JAG2: variants seen among roughly 807,000 people sequenced by gnomAD.
The protein encoded by JAG2 is jagged canonical Notch ligand 2.
Under a neutral mutation model 141.7 loss-of-function variants are expected in JAG2, and 46 were observed. The observed-to-expected ratio is 0.32, with a 90% CI of 0.26 to 0.42. The LOEUF (loss-of-function observed/expected upper bound fraction) is 0.42. JAG2 is among the 10% of genes least tolerant of loss of function. The pLI, the probability that JAG2 is intolerant of heterozygous loss-of-function variation, is 1.00. For synonymous variants in JAG2, 862 were observed against 763.5 expected (o/e 1.13, Z -2.13); for missense variants, 1,500 against 1,817.5 (o/e 0.83, Z 3.18).
Position 105,168,458 on chromosome 14 carries a change from G to T in JAG2, c.-38C>A, listed in dbSNP as rs1888993979. 1.7e-6 allele frequency: 1 copy of T among 578,202 alleles called. No individual in the cohort carries two copies. Among genetic ancestry groups the T allele is most frequent in the Non-Finnish European group, 2.2e-6 (1 of 460,972 alleles). 35.8% of individuals were successfully genotyped at this position (578,202 alleles called of 1,614,324 possible). A position where few individuals can be genotyped will look rare whatever the true frequency, so the allele number is the denominator to read the frequency against. ...CCGCCCGCCCGGCCCCGCCGCCGCC[G>T]CCCGCGCCCGGCTCCCAGCCGCCGC... is the stretch of plus-strand genomic sequence containing the variant. On this transcript the variant is annotated 5_prime_UTR_variant, in exon 1 of 26. Coordinates refer to ENST00000331782, the MANE Select transcript of JAG2 (RefSeq NM_002226.5).
At position 105,149,179 on chromosome 14, in the gene JAG2, C is replaced by T. The variant is rs748542274; in HGVS notation, c.1744G>A (p.Ala582Thr). The change falls in exon 13 of 26, where the codon GCC (alanine) becomes ACC (threonine). Residue 582 changes from alanine (A) to threonine (T), a missense_variant. Physicochemically the swap from Ala to Thr is moderately conservative, Grantham distance 58 (BLOSUM62 0). This residue lies in a region of JAG2 where 875 missense variants were observed against 1,202.2 expected (regional missense o/e 0.73). Coordinates refer to ENST00000331782, the MANE Select transcript of JAG2 (RefSeq NM_002226.5). ...SVPREPCPGG[A>T]CRVIDGCGSD... ...ATGCCGCACCCAGCACCTCTGCAGG[C>T]CCCGCCAGGGCACGGCTCGCGGGGC... 6.3e-7 allele frequency: 1 copy of T among 1,583,320 alleles called. No individual in the cohort carries two copies. Among genetic ancestry groups the T allele is most frequent in the African/African-American group, 1.4e-5 (1 of 72,264 alleles).
In JAG2 at chr14:105,151,569, C is replaced by A. The variant is rs1450497043; in HGVS notation, c.1153+57G>T. The stretch of plus-strand genomic sequence containing the variant: ...ACCCCATCCCCAGCGAGTTGCCCCA[C>A]TCCCAGACCCCCACTGATACTAGGC... On this transcript the variant is annotated intron_variant, in intron 8 of 25. Transcript: ENST00000331782. 2.2e-5 allele frequency: 32 copies of A among 1,462,150 alleles called. No individual in the cohort carries two copies. In the East Asian group the frequency reaches 7.7e-4, roughly 35 times the overall value. 90.6% of individuals were successfully genotyped at this position (1,462,150 alleles called of 1,614,324 possible). A position where few individuals can be genotyped will look rare whatever the true frequency, so the allele number is the denominator to read the frequency against.
intron 5 of JAG2, among the ~76,000 whole-genome samples, chr14:105,153,882 T>C (rs1278220543): frequency 6.6e-6 from 1 of 152,206 alleles, no homozygotes; most frequent in Admixed American, 6.5e-5. Context: ...TGATGCACAC[T>C]GGGCCAGGCG....
At position 105,149,107 on chromosome 14, in the gene JAG2, G is replaced by A. The variant is rs771284846; in HGVS notation, c.1754-18C>T. On this transcript the variant is annotated intron_variant, in intron 13 of 25. Transcript: ENST00000331782. Reference sequence around the variant, plus strand: ...ATCGATCACTATGGCAGGCAGTACAGTCAGGAGTCAGGCCCGCCCCTGCCC... The same window carrying A: ...ATCGATCACTATGGCAGGCAGTACAATCAGGAGTCAGGCCCGCCCCTGCCC... The A allele has an allele frequency of 8.1e-6, 13 of 1,602,868 alleles. No homozygotes were observed. The East Asian group carries it at 2.5e-4, about 31-fold the overall frequency.
Position 105,148,752 on chromosome 14 carries a change from G to A in JAG2, c.2013C>T (p.Cys671=), listed in dbSNP as rs370664484. The A allele has an allele frequency of 1.3e-5, 20 of 1,567,984 alleles. No individual in the cohort carries two copies. Among genetic ancestry groups the A allele is most frequent in the Middle Eastern group, 1.9e-4 (1 of 5,170 alleles). ...GGGTGCTGGAACACTCACTGGTGTC[G>A]CAGAGCTCGCCCTCCCAGCCGCTGG... The part of the protein sequence containing the change: ...FCPSGWEGEL[C]DTNPNDCLPD... The change falls in exon 15 of 26, where the codon TGC becomes TGT. Residue 671 remains cysteine (C), a synonymous_variant. Transcript: ENST00000331782.
chr14:105,167,567 C>T lies in JAG2; in HGVS notation c.417+190G>A, dbSNP rs1043040256. On this transcript the variant is annotated intron_variant, in intron 2 of 25. Coordinates refer to ENST00000331782, the MANE Select transcript of JAG2 (RefSeq NM_002226.5). The surrounding 1 kb of genome is among the most constrained non-coding windows in gnomAD (Gnocchi z 4.8). Reference sequence around the variant, plus strand: ...ACCCCGCTCCCGGTGGCCCCGGGGCCCCGGCGCGCCCACGTGGCCAGGCGC... The same window carrying T: ...ACCCCGCTCCCGGTGGCCCCGGGGCTCCGGCGCGCCCACGTGGCCAGGCGC... 2.5e-4 allele frequency among the ~76,000 whole-genome samples: 37 copies of T among 147,358 alleles called. No homozygotes were observed. The highest frequency in any genetic ancestry group is 9.0e-4 in the African/African-American group (37 of 40,916).
intron 12 of JAG2, among the ~76,000 whole-genome samples, chr14:105,149,794 G>A (rs1181754489): frequency 2.1e-5 from 3 of 141,396 alleles, no homozygotes; most frequent in Non-Finnish European, 3.1e-5. Flanking sequence ...GCGGCCGAGG[G>A]TGGTAGGGAG....
chr14:105,145,005 A>T lies in JAG2; in HGVS notation c.3009T>A (p.Ala1003=). 3 of 1,610,102 alleles carry T rather than the reference A, an allele frequency of 1.9e-6. No homozygotes were observed. The highest frequency in any genetic ancestry group is 2.5e-6 in the Non-Finnish European group (3 of 1,179,784). ...ACACCAGCAGGCGGTCCCGTGCCACAGCCCTTGTGGCTGGCAGGGAGCGGA... is the reference window on the plus strand; with the variant it reads ...ACACCAGCAGGCGGTCCCGTGCCACTGCCCTTGTGGCTGGCAGGGAGCGGA... ...SGIRSLPATR[A]VARDRLLVLL... is the part of the protein sequence containing the mutation. The change falls in exon 24 of 26, where the codon GCT becomes GCA. Residue 1003 remains alanine, a synonymous_variant. Transcript: ENST00000331782.
intron 17 of JAG2, 40 bp from the exon 18 acceptor site, chr14:105,147,928 C>G: frequency 6.8e-7 from 1 of 1,478,290 alleles, no homozygotes; most frequent in Non-Finnish European, 9.2e-7. Flanking sequence ...TCACCTGGCC[C>G]TGGGCTGGCC....
chr14:105,149,191 A>G lies in JAG2; in HGVS notation c.1732T>C (p.Cys578Arg), dbSNP rs1888332230. ...GCACCTCTGCAGGCCCCGCCAGGGCACGGCTCGCGGGGCACGGAGCAGTTC... is the reference window on the plus strand; with the variant it reads ...GCACCTCTGCAGGCCCCGCCAGGGCGCGGCTCGCGGGGCACGGAGCAGTTC... ...GKNCSVPREP[C>R]PGGACRVIDG... Residue 578 changes from cysteine (C) to arginine (R), a missense_variant, in exon 13 of 26, where the codon TGC becomes CGC. Transcript: ENST00000331782. The G allele has an allele frequency of 6.9e-7, 1 of 1,440,800 alleles. No individual in the cohort carries two copies. Among genetic ancestry groups the G allele is most frequent in the African/African-American group, 1.5e-5 (1 of 66,626 alleles). 89.3% of individuals were successfully genotyped at this position (1,440,800 alleles called of 1,614,324 possible).
rs766540205 is a variant in JAG2, at chr14:105,149,282, G to A, written c.1641C>T (p.Asn547=). The change falls in exon 13 of 26, where the codon AAC becomes AAT. Residue 547 remains asparagine, a synonymous_variant. Coordinates refer to ENST00000331782, the MANE Select transcript of JAG2 (RefSeq NM_002226.5). The stretch of plus-strand genomic sequence containing the variant: ...CCTCCAGGTTATAGCAGCGAGCGCC[G>A]TTCCGGCAGGGGCTTGGCTCACAAA... ...VDLCEPSPCR[N]GARCYNLEGD... The A allele has an allele frequency of 1.9e-5, 31 of 1,612,616 alleles. No homozygotes were observed. The highest frequency in any genetic ancestry group is 5.0e-5 in the Admixed American group (3 of 60,012).
Position 105,142,945 on chromosome 14 carries a change from G to A in JAG2, c.3467C>T (p.Pro1156Leu), listed in dbSNP as rs143438617. 5.0e-4 allele frequency: 804 copies of A among 1,609,184 alleles called. 1 individual carries two copies. The highest frequency in any genetic ancestry group is 6.3e-4 in the Non-Finnish European group (739 of 1,178,020). Residue 1156 changes from proline to leucine, a missense_variant, in exon 26 of 26, where the codon CCG becomes CTG. Physicochemically the swap from Pro to Leu is moderately conservative, Grantham distance 98 (BLOSUM62 -3). This residue lies in a region of JAG2 where 425 missense variants were observed against 441.0 expected (regional missense o/e 0.96). Transcript: ENST00000331782. ...CGCCTCGTCCGCCCTGCGCGGCGGC[G>A]GCGTGAAGTTCTTGCACTGGTAGAG... ...DVLYQCKNFT[P>L]PPRRADEALP...
At chr14:105,148,542 G>A in intron 15 of JAG2, 103 bp from the exon 16 acceptor site, 1 of 905,428 alleles carries the variant, frequency 1.1e-6, no homozygotes, top group Non-Finnish European at 1.7e-6. Flanking sequence ...GGACAGAGAG[G>A]GGCGGGGGAG....
intron 2 of JAG2, 96 bp from the exon 3 acceptor site, chr14:105,157,859 G>T: frequency 8.6e-7 from 1 of 1,158,540 alleles, no homozygotes; most frequent in Non-Finnish European, 1.2e-6. Context: ...CTGCCCCTGG[G>T]TCTGCCAGGC....
rs587632736 is a variant in JAG2, at chr14:105,147,797, G to T, written c.2340C>A (p.Gly780=). 2 of 1,548,852 alleles carry T rather than the reference G, an allele frequency of 1.3e-6. No individual in the cohort carries two copies. Among genetic ancestry groups the T allele is most frequent in the South Asian group, 2.4e-5 (2 of 84,000 alleles). ...TGTGAGTGCAAGTACGACCCTCCCA[G>T]CCGTCCCGGCAGATGCAGGAGAAGG... is the stretch of plus-strand genomic sequence containing the variant. ...GASFSCICRD[G]WEGRTCTHNT... Residue 780 remains glycine (G), a synonymous_variant, in exon 18 of 26, where the codon GGC becomes GGA. Coordinates refer to ENST00000331782, the MANE Select transcript of JAG2 (RefSeq NM_002226.5).
In JAG2 at chr14:105,149,035, G is replaced by C; in HGVS notation, c.1808C>G (p.Ser603Cys). ...GCGTCCATGGGGGCCACACACGCCG[G>C]AGGCTGCTGTGCCAGGCATCCCAGG... The part of the protein sequence containing the change: ...AGPGMPGTAA[S>C]GVCGPHGRCV... Residue 603 changes from serine to cysteine, a missense_variant, in exon 14 of 26, where the codon TCC becomes TGC. Coordinates refer to ENST00000331782, the MANE Select transcript of JAG2 (RefSeq NM_002226.5). The C allele has an allele frequency of 1.2e-6, 2 of 1,607,698 alleles. No individual in the cohort carries two copies. Among genetic ancestry groups the C allele is most frequent in the Non-Finnish European group, 1.7e-6 (2 of 1,177,936 alleles).
chr14:105,149,067 G>C lies in JAG2; in HGVS notation c.1776C>G (p.Asp592Glu), dbSNP rs200911938. 81 of 1,609,654 alleles carry C rather than the reference G, an allele frequency of 5.0e-5. No homozygotes were observed. The highest frequency in any genetic ancestry group is 6.8e-5 in the Non-Finnish European group (80 of 1,178,950). ...ACRVIDGCGSDAGPGMPGTAA... is the reference protein window; with the variant it reads ...ACRVIDGCGSEAGPGMPGTAA... ...CTGTGCCAGGCATCCCAGGCCCCGC[G>C]TCTGACCCGCAGCCATCGATCACTA... The change falls in exon 14 of 26, where the codon GAC (aspartate) becomes GAG (glutamate). Residue 592 changes from aspartate (D) to glutamate (E), a missense_variant. Around this residue, in one of 3 missense-constraint regions of JAG2, gnomAD observed 875 missense variants for 1,202.2 expected, o/e 0.73. Coordinates refer to ENST00000331782, the MANE Select transcript of JAG2 (RefSeq NM_002226.5).
At chr14:105,146,758 A>G in intron 20 of JAG2, 34 bp from the exon 21 acceptor site, 1 of 1,540,142 alleles carries the variant, frequency 6.5e-7, no homozygotes, top group Non-Finnish European at 8.9e-7. Flanking sequence ...CAGTGCAGTG[A>G]GGCCAACGCC....
chr14:105,161,838 G>C (rs1158201334), intron 2 of JAG2, among the ~76,000 whole-genome samples: 2 of 151,270 alleles, frequency 1.3e-5, no homozygotes, highest in Admixed American at 1.3e-4. Flanking sequence ...TCTGCGAATA[G>C]CAACCTCTCA....
Sources: gnomAD v4.1 joint callset for allele counts (sites outside exome capture counted in the v4.1 genomes callset) on GRCh38, gnomAD v4.1.1 for gene constraint, gnomAD v4.1.1 regional missense constraint, Gnocchi (gnomAD v3.1) non-coding constraint, MANE v1.5 for transcripts, NCBI Gene and HGNC (gene_info 2026-07-23, HGNC 2026-07-21) for gene names.